Variants in BCL7A observed in about 807,000 individuals in gnomAD.
BCL7A encodes BAF chromatin remodeling complex subunit BCL7A, also known as B-cell CLL/lymphoma 7 protein family member A.
BCL7A carries 11 observed loss-of-function variants against 28.4 expected under a neutral mutation model. The observed-to-expected ratio is 0.39, with a 90% CI of 0.24 to 0.64. The LOEUF (loss-of-function observed/expected upper bound fraction) is 0.64, where lower values mean the gene tolerates loss of function less well. BCL7A is among the 30% of genes least tolerant of loss of function. The pLI is 0.50. For missense variants in BCL7A, 222 were observed against 274.8 expected (o/e 0.81, Z 1.36); for synonymous variants, 123 against 103.3 (o/e 1.19, Z -1.15).
chr12:122,044,344 AC>A, intron 4 of BCL7A: 1 of 287,484 alleles, frequency 3.5e-6, no homozygotes, highest in South Asian at 7.6e-5. Flanking sequence ...CCTCATCTCT[AC>A]CAAAAAAAAA....
intron 1 of BCL7A, among the ~76,000 whole-genome samples, chr12:122,023,948 C>T (rs1883545196): frequency 1.3e-5 from 2 of 152,260 alleles, no homozygotes; most frequent in Non-Finnish European, 2.9e-5. Context: ...CTCGAGGAGG[C>T]GTGGTGGGGC....
intron 5 of BCL7A, among the ~76,000 whole-genome samples, chr12:122,055,882 G>T (rs1951875362): frequency 1.3e-5 from 2 of 152,190 alleles, no homozygotes; most frequent in Admixed American, 1.3e-4. Context: ...CTCTCAAAGT[G>T]CTGGGATTAC....
At chr12:122,049,035 A>T (rs10840646) in intron 4 of BCL7A, among the ~76,000 whole-genome samples, 27,609 of 56,728 alleles carry the variant, frequency 0.49, 4,404 homozygotes, top group East Asian at 0.56. Context: ...AAAAAAAAAA[A>T]ATATATATAT....
intron 1 of BCL7A, among the ~76,000 whole-genome samples, chr12:122,027,586 C>G (rs1883655325): frequency 6.6e-6 from 1 of 151,674 alleles, no homozygotes; most frequent in African/African-American, 2.4e-5. Context: ...ACCTGTAATT[C>G]CAGCACTTTG....
chr12:122,049,035 A>AAATATAT (rs869184061), intron 4 of BCL7A, among the ~76,000 whole-genome samples: 1 of 58,374 alleles, frequency 1.7e-5, no homozygotes, highest in East Asian at 4.8e-4. Flanking sequence ...AAAAAAAAAA[A>AAATATAT]ATATATATAT....
chr12:122,028,122 A>G (rs917623846), intron 1 of BCL7A, among the ~76,000 whole-genome samples: 29 of 152,126 alleles, frequency 1.9e-4, no homozygotes, highest in Admixed American at 1.3e-3. Flanking sequence ...TCCAGCTCAG[A>G]GGTAGAATTC....
Position 122,043,875 on chromosome 12 carries a change from A to AC in BCL7A, c.272-6dup. On this transcript the variant is annotated splice_polypyrimidine_tract_variant and intron_variant, in intron 3 of 5. Coordinates refer to ENST00000261822, the MANE Select transcript of BCL7A (RefSeq NM_001024808.3). ...GATTTCATCCTGTGGTTCTGTTCCCACCCCCTACAGACGATAACAGCAACC... is the reference window on the plus strand; with the variant it reads ...GATTTCATCCTGTGGTTCTGTTCCCACCCCCCTACAGACGATAACAGCAACC... 6.2e-7 allele frequency: 1 copy of AC among 1,605,184 alleles called. No homozygotes were observed. Among genetic ancestry groups the AC allele is most frequent in the Non-Finnish European group, 8.5e-7 (1 of 1,175,662 alleles).
rs1883471037 is a variant in BCL7A, at chr12:122,022,041, G to A, written c.-51G>A. On this transcript the variant is annotated 5_prime_UTR_variant, in exon 1 of 6. Transcript: ENST00000261822. The stretch of plus-strand genomic sequence containing the variant: ...CGCGAGTGTGGCCGCCGCGGAGCGC[G>A]AGCAGGACCCGGCGGGCGCGCTCCC... The A allele has an allele frequency of 3.3e-6, 5 of 1,499,438 alleles. No homozygotes were observed. Among genetic ancestry groups the A allele is most frequent in the African/African-American group, 2.8e-5 (2 of 70,332 alleles). 92.9% of individuals were successfully genotyped at this position (1,499,438 alleles called of 1,614,324 possible).
chr12:122,023,907 T>C (rs1040551422), intron 1 of BCL7A, among the ~76,000 whole-genome samples: 2 of 152,196 alleles, frequency 1.3e-5, no homozygotes, highest in Admixed American at 6.5e-5. Context: ...GCCTGGAGGT[T>C]GGGAAACAGC....
At chr12:122,025,038 T>C (rs1320486704) in intron 1 of BCL7A, among the ~76,000 whole-genome samples, 2 of 150,922 alleles carry the variant, frequency 1.3e-5, no homozygotes, top group African/African-American at 2.4e-5. Flanking sequence ...TTTTCTGGTG[T>C]TTCAGCAAGG....
intron 4 of BCL7A, among the ~76,000 whole-genome samples, chr12:122,046,411 T>A (rs1322078016): frequency 6.6e-6 from 1 of 152,146 alleles, no homozygotes; most frequent in Non-Finnish European, 1.5e-5. Flanking sequence ...GAGCAGCCAG[T>A]GTGGTTCTAG....
intron 3 of BCL7A, among the ~76,000 whole-genome samples, chr12:122,037,967 A>G (rs983576421): frequency 1.3e-5 from 2 of 150,600 alleles, no homozygotes; most frequent in African/African-American, 4.9e-5. Flanking sequence ...AAAAGATACA[A>G]AAAATTAGCT....
At chr12:122,055,689 G>C (rs532549793) in intron 5 of BCL7A, among the ~76,000 whole-genome samples, 1 of 152,116 alleles carries the variant, frequency 6.6e-6, no homozygotes, top group African/African-American at 2.4e-5. Flanking sequence ...CATGATCCCG[G>C]CTCACTCCAA....
At chr12:122,023,476 C>G (rs572999310) in intron 1 of BCL7A, among the ~76,000 whole-genome samples, 1 of 152,334 alleles carries the variant, frequency 6.6e-6, no homozygotes, top group African/African-American at 2.4e-5. Flanking sequence ...CACAAGTTAG[C>G]TGTCCTTTCT....
chr12:122,052,705 CAG>C (rs35993755), intron 4 of BCL7A, among the ~76,000 whole-genome samples: 3,634 of 151,994 alleles, frequency 0.024, 113 homozygotes, highest in African/African-American at 0.074. Context: ...GTTTTGGAGA[CAG>C]AGTCTCACTC....
Position 122,035,320 on chromosome 12 carries a change from T to C in BCL7A, c.175-11T>C, listed in dbSNP as rs1240206529. The stretch of plus-strand genomic sequence containing the variant: ...CTGGTGACTTGGTTTCTGCTCCATT[T>C]TCCCCTGCAGAAAAACAAGAATAAG... On this transcript the variant is annotated splice_polypyrimidine_tract_variant and intron_variant, in intron 2 of 5. Transcript: ENST00000261822. 3 of 1,612,218 alleles carry C rather than the reference T, an allele frequency of 1.9e-6. No individual in the cohort carries two copies. Among genetic ancestry groups the C allele is most frequent in the Non-Finnish European group, 2.5e-6 (3 of 1,178,342 alleles).
intron 1 of BCL7A, among the ~76,000 whole-genome samples, chr12:122,023,913 A>T (rs1593020234): frequency 6.6e-6 from 1 of 152,156 alleles, no homozygotes; most frequent in African/African-American, 2.4e-5. Context: ...AGGTTGGGAA[A>T]CAGCCGGCAA....
intron 5 of BCL7A, among the ~76,000 whole-genome samples, chr12:122,058,549 C>T (rs1565944137): frequency 6.6e-6 from 1 of 152,088 alleles, no homozygotes; most frequent in Non-Finnish European, 1.5e-5. Flanking sequence ...ATCACAGCTA[C>T]TTGGGAGGCT....
At chr12:122,055,941 A>C (rs1043509414) in intron 5 of BCL7A, among the ~76,000 whole-genome samples, 2 of 152,142 alleles carry the variant, frequency 1.3e-5, no homozygotes, top group African/African-American at 4.8e-5. Flanking sequence ...AAACCCTTTG[A>C]TTGGCAGGTC....
Sources: allele counts gnomAD v4.1 joint callset (sites outside exome capture counted in the v4.1 genomes callset), GRCh38; gene constraint gnomAD v4.1.1; transcripts MANE v1.5; gene names NCBI Gene and HGNC (gene_info 2026-07-23, HGNC 2026-07-21).